The following F5 variants were observed in gnomAD, a reference collection of about 807,000 sequenced individuals.
The protein encoded by F5 is coagulation factor V, also known as activated protein c cofactor.
In F5, 138 loss-of-function variants were observed where a neutral mutation model predicts 216.4. That is an observed-to-expected ratio of 0.64 (90% CI 0.56 to 0.73). The LOEUF (loss-of-function observed/expected upper bound fraction) is 0.73, where lower values mean the gene tolerates loss of function less well. Ranked by LOEUF, F5 falls within the 30% of genes least tolerant of loss-of-function variation. F5 has a pLI of 0.00. For missense variants in F5, 2,403 were observed against 2,674.0 expected (o/e 0.90, Z 2.24); for synonymous variants, 916 against 930.7 (o/e 0.98, Z 0.29).
At chr1:169,539,720 T>C (rs1557913788) in intron 13 of F5, among the ~76,000 whole-genome samples, 1 of 152,170 alleles carries the variant, frequency 6.6e-6, no homozygotes, top group South Asian at 2.1e-4. Flanking sequence ...CCCTGAGAAT[T>C]TGTAGTTGAC....
intron 3 of F5, among the ~76,000 whole-genome samples, chr1:169,564,864 T>C (rs961245099): frequency 3.3e-5 from 5 of 152,134 alleles, no homozygotes; most frequent in African/African-American, 7.2e-5. Context: ...TAACGTGCAA[T>C]GTATCTCATG....
chr1:169,573,229 T>C (rs773460081), intron 2 of F5, among the ~76,000 whole-genome samples: 9 of 151,924 alleles, frequency 5.9e-5, no homozygotes, highest in South Asian at 2.1e-4. Flanking sequence ...ATTACAGGTG[T>C]GAGCCACCAC....
At chr1:169,534,079 C>CCTGTT (rs1466628927) in intron 14 of F5, among the ~76,000 whole-genome samples, 1 of 152,144 alleles carries the variant, frequency 6.6e-6, no homozygotes, top group African/African-American at 2.4e-5. Flanking sequence ...AAATCCCTGT[C>CCTGTT]CTGTTCTGTT....
chr1:169,575,455 C>A (rs1660822794), intron 2 of F5, among the ~76,000 whole-genome samples: 1 of 152,008 alleles, frequency 6.6e-6, no homozygotes. Flanking sequence ...AGGGGTGCAA[C>A]ATGGACCAGA....
At chr1:169,537,998 A>T (rs1659746481) in intron 13 of F5, among the ~76,000 whole-genome samples, 3 of 152,252 alleles carry the variant, frequency 2.0e-5, no homozygotes, top group Non-Finnish European at 2.9e-5. Flanking sequence ...AGAAAATGAA[A>T]TCAGTATGTT....
intron 1 of F5, 34 bp from the exon 2 acceptor site, chr1:169,582,556 C>T: frequency 8.6e-7 from 1 of 1,157,306 alleles, no homozygotes; most frequent in Admixed American, 1.8e-5. Context: ...ATTTGAAAGG[C>T]ATATTCAATA....
intron 19 of F5, 49 bp downstream of exon 19, chr1:169,524,788 T>C (rs762162815): frequency 6.9e-7 from 1 of 1,444,378 alleles, no homozygotes; most frequent in South Asian, 1.1e-5. Flanking sequence ...GGCTGCATGC[T>C]GCACAACTGT....
chr1:169,548,270 G>A (rs1660062543), intron 10 of F5, among the ~76,000 whole-genome samples: 1 of 151,894 alleles, frequency 6.6e-6, no homozygotes, highest in African/African-American at 2.4e-5. Context: ...TGATGAAGTA[G>A]TAAGTACAAC....
chr1:169,542,603 G>A lies in F5; in HGVS notation c.2487C>T (p.Ser829=). ...CCTCTATAGGGTCTTCAGAATATGG[G>A]CTGGAATGCTCTGCTGTGGAAGAAT... ...VLNSSTAEHS[S]PYSEDPIEDP... Residue 829 remains serine (S), a synonymous_variant, in exon 13 of 25, where the codon AGC becomes AGT. Transcript: ENST00000367797. 6.2e-7 allele frequency: 1 copy of A among 1,614,064 alleles called. No homozygotes were observed.
chr1:169,552,076 A>T lies in F5; in HGVS notation c.1296+481T>A, dbSNP rs567598125. Among the ~76,000 whole-genome samples the T allele has an allele frequency of 9.8e-5, 15 of 152,336 alleles. No homozygotes were observed. The East Asian group carries it at 2.9e-3, about 29-fold the overall frequency. On this transcript the variant is annotated intron_variant, in intron 8 of 24. Transcript: ENST00000367797. ...CTATTATGCTGGTTATAAGAATTTT[A>T]TCAAGGATGCCATCTACTGTATCAC...
chr1:169,585,621 G>GA (rs1025429919), intron 1 of F5, among the ~76,000 whole-genome samples: 9 of 149,426 alleles, frequency 6.0e-5, no homozygotes, highest in Non-Finnish European at 1.2e-4. Flanking sequence ...TGAACAGAGA[G>GA]AAAAAAAAAT....
At chr1:169,523,127 T>G in intron 21 of F5, 70 bp downstream of exon 21, 3 of 1,525,368 alleles carry the variant, frequency 2.0e-6, no homozygotes, top group Non-Finnish European at 2.7e-6. Context: ...ACATAATCAT[T>G]AGGTATAGTC....
rs1485411548 is a variant in F5, at chr1:169,531,014, A to T, written c.4980T>A (p.Phe1660Leu). The T allele has an allele frequency of 6.2e-7, 1 of 1,611,154 alleles. No individual in the cohort carries two copies. The highest frequency in any genetic ancestry group is 1.7e-5 in the Admixed American group (1 of 59,988). Residue 1660 changes from phenylalanine to leucine, a missense_variant, in exon 15 of 25, where the codon TTT becomes TTA. Physicochemically the swap from Phe to Leu is conservative, Grantham distance 22 (BLOSUM62 0). This residue lies in a region of F5 where 659 missense variants were observed against 787.9 expected (regional missense o/e 0.84). Transcript: ENST00000367797. ...AATACGGTCTGGATGCTAAATTTTT[A>T]AAACGAACCTAGGAAAAGGAATGAT... ...AEVDDVIQVR[F>L]KNLASRPYSL...
chr1:169,551,295 C>T (rs1007812139), intron 8 of F5, among the ~76,000 whole-genome samples: 1 of 152,090 alleles, frequency 6.6e-6, no homozygotes, highest in Non-Finnish European at 1.5e-5. Flanking sequence ...CAAAAAAATA[C>T]AAAAATTAGC....
chr1:169,521,808 A>G (rs1440742359), intron 21 of F5, among the ~76,000 whole-genome samples: 1 of 151,506 alleles, frequency 6.6e-6, no homozygotes, highest in Admixed American at 6.6e-5. Flanking sequence ...TTTAGTAGAG[A>G]GGGGGTTTCA....
intron 19 of F5, 88 bp from the exon 20 acceptor site, chr1:169,523,992 A>G (rs1659371454): frequency 9.0e-7 from 1 of 1,105,058 alleles, no homozygotes; most frequent in African/African-American, 1.5e-5. Context: ...GGAAAACCAG[A>G]TCCTTGGAGG....
chr1:169,538,824 G>C (rs1353116067), intron 13 of F5, among the ~76,000 whole-genome samples: 1 of 152,096 alleles, frequency 6.6e-6, no homozygotes, highest in Non-Finnish European at 1.5e-5. Context: ...ACTATAAAGG[G>C]GTAATGAGAG....
intron 10 of F5, among the ~76,000 whole-genome samples, chr1:169,547,678 A>C (rs1226574836): frequency 6.6e-6 from 1 of 152,226 alleles, no homozygotes; most frequent in Non-Finnish European, 1.5e-5. Context: ...ATTATTAAAA[A>C]GTCAAAAACT....
rs1661104660 is a variant in F5 at position 169,586,372 on chromosome 1, G to A, written c.15C>T (p.Cys5=). Residue 5 remains cysteine, a synonymous_variant, in exon 1 of 25, where the codon TGC becomes TGT. Transcript: ENST00000367797. MFPG[C]PRLWVLVVLG... ...AGACCACCAGGACCCAGAGGCGTGG[G>A]CAGCCTGGGAACATGCTTCCTTTCC... 3.1e-6 allele frequency: 5 copies of A among 1,613,344 alleles called. No individual in the cohort carries two copies. Among genetic ancestry groups the A allele is most frequent in the Non-Finnish European group, 4.2e-6 (5 of 1,179,940 alleles).
Sources: allele counts gnomAD v4.1 joint callset (sites outside exome capture counted in the v4.1 genomes callset), GRCh38; gene constraint gnomAD v4.1.1; regional missense constraint gnomAD v4.1.1; transcripts MANE v1.5; gene names NCBI Gene and HGNC (gene_info 2026-07-23, HGNC 2026-07-21).